PRELID2: variants seen among roughly 807,000 people sequenced by gnomAD.
The protein encoded by PRELID2 is PRELI domain-containing protein 2.
Under a neutral mutation model 28.4 loss-of-function variants are expected in PRELID2, and 25 were observed. The observed-to-expected ratio is 0.88, with a 90% CI of 0.64 to 1.23. PRELID2 has a LOEUF of 1.23. PRELID2 is among the 50% of genes most tolerant of loss of function. The probability of loss-of-function intolerance (pLI) is 0.00; values close to 1 mark genes in which losing one functional copy is unlikely to be tolerated. For synonymous variants in PRELID2, 76 were observed against 71.6 expected, an observed-to-expected ratio of 1.06 and a Z score of -0.31; for missense variants, 201 against 214.4, an observed-to-expected ratio of 0.94 and a Z score of 0.39.
At chr5:145,430,773 C>G in the PRELID2 span, among the ~76,000 whole-genome samples, 1 of 152,102 alleles carries the variant, frequency 6.6e-6, no homozygotes, top group African/African-American at 2.4e-5. Flanking sequence ...GCTTAAAACT[C>G]TTAGTTTAAT....
In PRELID2 at chr5:145,568,168, G is replaced by T. The variant is rs10062531; in HGVS notation, n.71-94853C>A. On this transcript the variant is annotated intron_variant and non_coding_transcript_variant, in intron 1 of 2. Coordinates refer to the PRELID2 transcript ENST00000510259. Reference sequence around the variant, plus strand: ...ATGCTTAGATACTTCTCCTAAACTCGCCAATCAAACTACTCAATTTCCTGG... The same window carrying T: ...ATGCTTAGATACTTCTCCTAAACTCTCCAATCAAACTACTCAATTTCCTGG... Among the ~76,000 whole-genome samples the T allele has an allele frequency of 3.9e-5, 6 of 152,098 alleles. 1 individual carries two copies. In the East Asian group the frequency reaches 1.2e-3, roughly 30 times the overall value.
chr5:145,686,202 C>T (rs77532136), intron 1 of PRELID2, among the ~76,000 whole-genome samples: 1,746 of 152,216 alleles, frequency 0.011, 33 homozygotes, highest in African/African-American at 0.038. Flanking sequence ...AATAGAATTG[C>T]CTCACCCAAA....
At chr5:145,823,287 C>A (rs1482278009) in intron 1 of PRELID2, among the ~76,000 whole-genome samples, 153 bp from the exon 2 acceptor site, 2 of 152,184 alleles carry the variant, frequency 1.3e-5, no homozygotes, top group African/African-American at 4.8e-5. Context: ...AATTTTATAA[C>A]TTGGGCCTAG....
At chr5:145,610,280 C>T (rs571626888) in intron 1 of PRELID2, among the ~76,000 whole-genome samples, 1 of 152,194 alleles carries the variant, frequency 6.6e-6, no homozygotes, top group East Asian at 1.9e-4. Context: ...TCTCTGTGTC[C>T]CCCTGCTTCC....
At chr5:145,237,291 A>T in the PRELID2 span, among the ~76,000 whole-genome samples, 1 of 152,176 alleles carries the variant, frequency 6.6e-6, no homozygotes, top group Non-Finnish European at 1.5e-5. Context: ...AATCTGCATA[A>T]CATATCTTCT....
At chr5:145,305,730 T>G in the PRELID2 span, among the ~76,000 whole-genome samples, 3 of 151,894 alleles carry the variant, frequency 2.0e-5, no homozygotes, top group Admixed American at 1.3e-4. Flanking sequence ...ACACACACAC[T>G]TATTACAAAA....
the PRELID2 span, among the ~76,000 whole-genome samples, chr5:145,430,092 A>G: frequency 6.6e-6 from 1 of 152,234 alleles, no homozygotes; most frequent in South Asian, 2.1e-4. Context: ...GTTTGCTGCC[A>G]CTAACATGTG....
At chr5:145,540,476 C>T (rs1186319354) in intron 1 of PRELID2, among the ~76,000 whole-genome samples, 1 of 151,804 alleles carries the variant, frequency 6.6e-6, no homozygotes, top group African/African-American at 2.4e-5. Flanking sequence ...TCCAATGTAA[C>T]AGCATTTAAT....
At chr5:145,556,007 G>A (rs575674157) in intron 1 of PRELID2, among the ~76,000 whole-genome samples, 10 of 151,776 alleles carry the variant, frequency 6.6e-5, no homozygotes, top group East Asian at 1.9e-4. Context: ...GTGAAACCCC[G>A]TCTCTACTAA....
exon 3 of PRELID2, chr5:145,471,965 C>T (rs935304046): frequency 1.3e-5 from 2 of 152,100 alleles, no homozygotes; most frequent in African/African-American, 4.8e-5. Flanking sequence ...AGGATCAATT[C>T]ATTTGAGTCA....
At chr5:145,635,718 C>G (rs546635348) in intron 1 of PRELID2, among the ~76,000 whole-genome samples, 4 of 152,312 alleles carry the variant, frequency 2.6e-5, no homozygotes, top group Non-Finnish European at 5.9e-5. Context: ...GCCTGGCTTT[C>G]CACAAGGTCC....
At chr5:145,482,472 A>T (rs1752171040) in intron 1 of PRELID2, among the ~76,000 whole-genome samples, 1 of 152,028 alleles carries the variant, frequency 6.6e-6, no homozygotes, top group African/African-American at 2.4e-5. Context: ...ATAATAACAA[A>T]CTTCCAACAT....
chr5:145,390,661 GTCTTCACATT>G, the PRELID2 span, among the ~76,000 whole-genome samples: 1 of 152,232 alleles, frequency 6.6e-6, no homozygotes, highest in South Asian at 2.1e-4. Context: ...CAAATTTCAT[GTCTTCACATT>G]TCAAAACACC....
chr5:145,772,332 A>T lies in PRELID2; in HGVS notation c.475-7332T>A, dbSNP rs559893629. 3.1e-3 allele frequency among the ~76,000 whole-genome samples: 471 copies of T among 152,276 alleles called. 2 individuals carry two copies. The highest frequency in any genetic ancestry group is 0.011 in the African/African-American group (457 of 41,556). On this transcript the variant is annotated intron_variant, in intron 5 of 6. Coordinates refer to ENST00000683046, the MANE Select transcript of PRELID2 (RefSeq NM_205846.3). The stretch of plus-strand genomic sequence containing the variant: ...CCCTGAATCTTACTACACTGTGGGG[A>T]TGGGAAGTTTAAATGAGAATGCAAA...
chr5:145,406,245 T>C, the PRELID2 span, among the ~76,000 whole-genome samples: 1 of 152,208 alleles, frequency 6.6e-6, no homozygotes, highest in Non-Finnish European at 1.5e-5. Context: ...CTCATATTTG[T>C]ATAACAGGTG....
At chr5:145,358,894 T>C in the PRELID2 span, among the ~76,000 whole-genome samples, 1 of 152,222 alleles carries the variant, frequency 6.6e-6, no homozygotes, top group African/African-American at 2.4e-5. Flanking sequence ...TCAGAATGGA[T>C]TTCTCACAAG....
chr5:145,489,246 A>G (rs1752247059), intron 1 of PRELID2, among the ~76,000 whole-genome samples: 1 of 152,176 alleles, frequency 6.6e-6, no homozygotes, highest in African/African-American at 2.4e-5. Flanking sequence ...CTTAATTTCA[A>G]CTAAAGGATT....
At chr5:145,729,385 G>A (rs1228118838) in intron 1 of PRELID2, 2 of 477,906 alleles carry the variant, frequency 4.2e-6, no homozygotes, top group Non-Finnish European at 7.2e-6. Context: ...TCTAGCAGAG[G>A]CAGGTTACCC....
chr5:145,714,688 G>T (rs187579001), intron 1 of PRELID2, among the ~76,000 whole-genome samples: 1 of 151,984 alleles, frequency 6.6e-6, no homozygotes, highest in African/African-American at 2.4e-5. Context: ...TATCTGTGTC[G>T]TAAGTTCACA....
Sources: gnomAD v4.1 joint callset for allele counts (sites outside exome capture counted in the v4.1 genomes callset) on GRCh38, gnomAD v4.1.1 for gene constraint, MANE v1.5 for transcripts, NCBI Gene and HGNC (gene_info 2026-07-23, HGNC 2026-07-21) for gene names.